The following HHAT variants were observed in gnomAD, a reference collection of about 807,000 sequenced individuals.
HHAT encodes the protein hedgehog acyltransferase.
In HHAT, 47 loss-of-function variants were observed where a neutral mutation model predicts 70.8. The observed-to-expected ratio is 0.66, with a 90% CI of 0.53 to 0.85. The LOEUF (loss-of-function observed/expected upper bound fraction) is 0.85. HHAT is among the 40% of genes least tolerant of loss of function. The probability of loss-of-function intolerance (pLI) is 0.00; values close to 1 mark genes in which losing one functional copy is unlikely to be tolerated. For missense variants in HHAT, 609 were observed against 604.8 expected (o/e 1.01, Z -0.07); for synonymous variants, 228 against 247.6 (o/e 0.92, Z 0.74).
intron 4 of HHAT, among the ~76,000 whole-genome samples, chr1:210,391,478 G>A (rs1324247030): frequency 6.6e-6 from 1 of 152,012 alleles, no homozygotes; most frequent in Non-Finnish European, 1.5e-5. Context: ...ATAGAAAAGT[G>A]GAAAGGCAAG....
At chr1:210,339,922 T>C (rs1571703768) in intron 1 of HHAT, among the ~76,000 whole-genome samples, 1 of 152,312 alleles carries the variant, frequency 6.6e-6, no homozygotes, top group East Asian at 1.9e-4. Context: ...TAGACTTTTT[T>C]CCCCACTCCA....
chr1:210,385,889 C>A (rs1295023430), intron 3 of HHAT, among the ~76,000 whole-genome samples: 1 of 152,106 alleles, frequency 6.6e-6, no homozygotes, highest in Non-Finnish European at 1.5e-5. Context: ...GTACTATTGT[C>A]ATATGAAGAA....
intron 3 of HHAT, among the ~76,000 whole-genome samples, chr1:210,365,571 G>C (rs909580153): frequency 6.6e-6 from 1 of 151,580 alleles, no homozygotes; most frequent in Non-Finnish European, 1.5e-5. Flanking sequence ...ACCTGCATTG[G>C]CCTCCCAAAA....
At chr1:210,582,872 C>T (rs1659585960) in intron 9 of HHAT, among the ~76,000 whole-genome samples, 1 of 152,190 alleles carries the variant, frequency 6.6e-6, no homozygotes, top group Non-Finnish European at 1.5e-5. Context: ...AGCTCATTGG[C>T]TTAAATCCCT....
chr1:210,352,922 T>A (rs953298047), intron 2 of HHAT, among the ~76,000 whole-genome samples: 8 of 151,734 alleles, frequency 5.3e-5, no homozygotes, highest in African/African-American at 1.9e-4. Context: ...AAACTTTTTG[T>A]CTCTGTTTAC....
At chr1:210,353,174 A>G (rs2087219866) in intron 2 of HHAT, among the ~76,000 whole-genome samples, 1 of 151,974 alleles carries the variant, frequency 6.6e-6, no homozygotes, top group African/African-American at 2.4e-5. Flanking sequence ...GACCTGGGGT[A>G]ATCCACTCCC....
chr1:210,532,843 A>G (rs1476408604), intron 9 of HHAT, among the ~76,000 whole-genome samples: 1 of 152,242 alleles, frequency 6.6e-6, no homozygotes, highest in African/African-American at 2.4e-5. Context: ...ACCTTTGATA[A>G]TTGTAGAATA....
At chr1:210,375,904 T>G (rs1572000123) in intron 3 of HHAT, among the ~76,000 whole-genome samples, 2 of 151,284 alleles carry the variant, frequency 1.3e-5, no homozygotes, top group African/African-American at 4.9e-5. Context: ...CAGGCTGGAG[T>G]GCAGTGGCAC....
At chr1:210,539,781 T>C (rs2095410322) in intron 9 of HHAT, among the ~76,000 whole-genome samples, 1 of 152,048 alleles carries the variant, frequency 6.6e-6, no homozygotes, top group African/African-American at 2.4e-5. Flanking sequence ...TTCAGTGCCT[T>C]TTTTGTGCTC....
chr1:210,508,703 T>G (rs1311992206), intron 8 of HHAT, among the ~76,000 whole-genome samples: 3 of 152,188 alleles, frequency 2.0e-5, no homozygotes, highest in Non-Finnish European at 2.9e-5. Context: ...TATCATGTGG[T>G]CTTGATTTTC....
At chr1:210,344,259 G>GTTGAAACTATGTTATTGTTTCA (rs1308796479) in intron 1 of HHAT, among the ~76,000 whole-genome samples, 2 of 150,158 alleles carry the variant, frequency 1.3e-5, no homozygotes, top group South Asian at 2.1e-4. Flanking sequence ...ATAGAGCATT[G>GTTGAAACTATGTTATTGTTTCA]TTGAAACTAT....
intron 11 of HHAT, among the ~76,000 whole-genome samples, chr1:210,650,291 T>C (rs1674871879): frequency 6.6e-6 from 1 of 152,182 alleles, no homozygotes; most frequent in Non-Finnish European, 1.5e-5. Flanking sequence ...GAAGTTGGTT[T>C]ACAGAGCTAA....
At chr1:210,641,855 C>A (rs987750092) in intron 11 of HHAT, among the ~76,000 whole-genome samples, 1 of 152,208 alleles carries the variant, frequency 6.6e-6, no homozygotes, top group Non-Finnish European at 1.5e-5. Context: ...CTGCTTCTGC[C>A]ATGTCACAAT....
chr1:210,593,869 C>G (rs1662320495), intron 10 of HHAT, among the ~76,000 whole-genome samples: 2 of 152,230 alleles, frequency 1.3e-5, no homozygotes, highest in South Asian at 4.1e-4. Context: ...TTATTTACAA[C>G]TGTTATATCT....
At chr1:210,668,336 C>G (rs1453212510) in intron 11 of HHAT, among the ~76,000 whole-genome samples, 1 of 152,048 alleles carries the variant, frequency 6.6e-6, no homozygotes, top group Non-Finnish European at 1.5e-5. Context: ...TGGCTGTGTC[C>G]CCACCCAAAT....
intron 1 of HHAT, 128 bp downstream of exon 1, chr1:210,329,232 C>G: frequency 8.0e-7 from 1 of 1,243,294 alleles, no homozygotes. Context: ...CGTGTGCGCG[C>G]CCGAGGGCGG....
intron 6 of HHAT, among the ~76,000 whole-genome samples, chr1:210,413,868 A>G (rs1432879989): frequency 7.9e-5 from 12 of 152,224 alleles, no homozygotes; most frequent in East Asian, 5.8e-4. Flanking sequence ...TTAAAGATCC[A>G]TTTACAGCAA....
At chr1:210,661,444 C>A (rs1245180086) in intron 11 of HHAT, among the ~76,000 whole-genome samples, 1 of 152,204 alleles carries the variant, frequency 6.6e-6, no homozygotes, top group Non-Finnish European at 1.5e-5. Context: ...CACTTTTACA[C>A]TTTTGGTGGG....
At chr1:210,438,694 C>G (rs2357590) in intron 7 of HHAT, among the ~76,000 whole-genome samples, 35,416 of 151,500 alleles carry the variant, frequency 0.23, 4,711 homozygotes, top group Admixed American at 0.36. Flanking sequence ...ATCATGGTGG[C>G]TTAAGTTAAG....
Sources: gnomAD v4.1 joint callset for allele counts (sites outside exome capture counted in the v4.1 genomes callset) on GRCh38, gnomAD v4.1.1 for gene constraint, MANE v1.5 for transcripts, NCBI Gene and HGNC (gene_info 2026-07-23, HGNC 2026-07-21) for gene names.